TAF4B: variants seen among roughly 807,000 people sequenced by gnomAD.
TAF4B encodes transcription initiation factor TFIID subunit 4B.
Under a neutral mutation model 86.4 loss-of-function variants are expected in TAF4B, and 38 were observed. That is an observed-to-expected ratio of 0.44 (90% CI 0.34 to 0.58). The LOEUF (loss-of-function observed/expected upper bound fraction) is 0.58, where lower values mean the gene tolerates loss of function less well. Among genes scored for constraint, TAF4B ranks in the 20% least tolerant of loss-of-function variants. The pLI is 0.02. For synonymous variants in TAF4B, 388 were observed against 391.2 expected (o/e 0.99, Z 0.10); for missense variants, 988 against 1,027.6 (o/e 0.96, Z 0.53).
intron 13 of TAF4B, among the ~76,000 whole-genome samples, chr18:26,347,135 T>G (rs1485162435): frequency 6.6e-6 from 1 of 151,280 alleles, no homozygotes; most frequent in Non-Finnish European, 1.5e-5. Context: ...TTAGCCAGGA[T>G]GGTCTGGATC....
intron 5 of TAF4B, among the ~76,000 whole-genome samples, chr18:26,278,014 G>C (rs1157674693): frequency 6.6e-6 from 1 of 152,072 alleles, no homozygotes; most frequent in African/African-American, 2.4e-5. Flanking sequence ...TACTGTTAGT[G>C]GTTTAGTTTG....
intron 11 of TAF4B, among the ~76,000 whole-genome samples, chr18:26,325,106 A>G (rs909425694): frequency 6.6e-6 from 1 of 152,202 alleles, no homozygotes; most frequent in Non-Finnish European, 1.5e-5. Flanking sequence ...ATTAGTCATA[A>G]ACTGAGATCT....
intron 13 of TAF4B, among the ~76,000 whole-genome samples, chr18:26,341,581 G>A (rs968701725): frequency 6.6e-6 from 1 of 152,030 alleles, no homozygotes; most frequent in Admixed American, 6.5e-5. Context: ...TTTCAGGAAG[G>A]TAGGGATGGA....
intron 10 of TAF4B, among the ~76,000 whole-genome samples, chr18:26,319,321 A>G (rs931166983): frequency 1.1e-4 from 16 of 151,804 alleles, no homozygotes; most frequent in Non-Finnish European, 2.1e-4. Flanking sequence ...GTGAAACGCC[A>G]TCTCTACTAA....
chr18:26,382,783 C>T (rs1978297506), intron 14 of TAF4B, among the ~76,000 whole-genome samples: 1 of 152,136 alleles, frequency 6.6e-6, no homozygotes, highest in Admixed American at 6.5e-5. Context: ...TTCACAGGTA[C>T]AAAATCTTTT....
intron 14 of TAF4B, among the ~76,000 whole-genome samples, chr18:26,381,917 T>G (rs879266408): frequency 5.9e-5 from 9 of 151,692 alleles, no homozygotes; most frequent in Non-Finnish European, 1.3e-4. Context: ...ATAAAAATGG[T>G]TTTTTTATGT....
At chr18:26,307,767 T>C (rs2056809554) in intron 9 of TAF4B, among the ~76,000 whole-genome samples, 1 of 152,166 alleles carries the variant, frequency 6.6e-6, no homozygotes, top group Non-Finnish European at 1.5e-5. Context: ...TTGTCTAGTG[T>C]ATATTAACTT....
At position 26,286,348 on chromosome 18, in the gene TAF4B, G is replaced by A. The variant is rs775459462; in HGVS notation, c.1439G>A (p.Cys480Tyr). ...TFGETSGAAI[C>Y]LPSVKPVVSS... ...GGAGAAACTTCAGGTGCAGCTATTT[G>A]TCTTCCATCTGTGAAACCTGTTGTT... Residue 480 changes from cysteine (C) to tyrosine (Y), a missense_variant, in exon 7 of 15, where the codon TGT becomes TAT. Physicochemically the swap from Cys to Tyr is radical, Grantham distance 194. Coordinates refer to ENST00000269142, the MANE Select transcript of TAF4B (RefSeq NM_005640.3). 8 of 1,614,218 alleles carry A rather than the reference G, an allele frequency of 5.0e-6. 1 individual carries two copies. In the Admixed American group the frequency reaches 5.0e-5, roughly 10 times the overall value.
chr18:26,313,961 C>T (rs1016230870), intron 9 of TAF4B, among the ~76,000 whole-genome samples: 4 of 152,248 alleles, frequency 2.6e-5, no homozygotes, highest in African/African-American at 7.2e-5. Flanking sequence ...AGCCACTGCT[C>T]CTGGCCTACT....
chr18:26,375,837 GCTCTTACATTTAC>G (rs1304319284), intron 14 of TAF4B, among the ~76,000 whole-genome samples: 4 of 152,078 alleles, frequency 2.6e-5, no homozygotes, highest in Non-Finnish European at 5.9e-5. Context: ...TATAGTTTTA[GCTCTTACATTTAC>G]ATCTTTGATC....
At chr18:26,269,079 C>T (rs2056279909) in intron 3 of TAF4B, among the ~76,000 whole-genome samples, 1 of 152,204 alleles carries the variant, frequency 6.6e-6, no homozygotes, top group Non-Finnish European at 1.5e-5. Flanking sequence ...ACCTCAGCCT[C>T]CCAAAGTCCT....
chr18:26,276,799 A>G (rs2056389497), intron 5 of TAF4B, among the ~76,000 whole-genome samples: 1 of 152,204 alleles, frequency 6.6e-6, no homozygotes, highest in African/African-American at 2.4e-5. Flanking sequence ...GAAATGGAAT[A>G]CTCTAGATGA....
chr18:26,234,322 C>T (rs973772866), intron 1 of TAF4B, among the ~76,000 whole-genome samples: 2 of 152,218 alleles, frequency 1.3e-5, no homozygotes, highest in African/African-American at 4.8e-5. Flanking sequence ...CTGCCACCTC[C>T]TTGGGTTTTT....
chr18:26,293,313 T>A (rs2056618782), intron 8 of TAF4B, 113 bp from the exon 9 acceptor site: 6 of 654,092 alleles, frequency 9.2e-6, no homozygotes, highest in Admixed American at 7.0e-5. Flanking sequence ...CTAGGGCAGC[T>A]TGGAATTTTC....
At chr18:26,274,477 G>T (rs1046005789) in intron 3 of TAF4B, among the ~76,000 whole-genome samples, 186 bp from the exon 4 acceptor site, 1 of 152,106 alleles carries the variant, frequency 6.6e-6, no homozygotes, top group Non-Finnish European at 1.5e-5. Flanking sequence ...AGTAGATGGG[G>T]TGAGAATGAA....
chr18:26,243,399 C>G (rs112487649), intron 1 of TAF4B, among the ~76,000 whole-genome samples: 11,542 of 151,972 alleles, frequency 0.076, 543 homozygotes, highest in Non-Finnish European at 0.1. Context: ...TTGTGCATCA[C>G]GTAGTTCTCG....
intron 1 of TAF4B, among the ~76,000 whole-genome samples, chr18:26,229,070 T>A (rs2055622772): frequency 6.6e-6 from 1 of 152,134 alleles, no homozygotes; most frequent in Admixed American, 6.5e-5. Context: ...ACGGTATGCC[T>A]CATTGAGTGT....
At chr18:26,376,788 A>T (rs912442442) in intron 14 of TAF4B, among the ~76,000 whole-genome samples, 1 of 152,212 alleles carries the variant, frequency 6.6e-6, no homozygotes, top group Non-Finnish European at 1.5e-5. Context: ...TTTCACCAGT[A>T]AGTGTGATGT....
At chr18:26,270,995 G>A (rs755299682) in intron 3 of TAF4B, among the ~76,000 whole-genome samples, 1 of 152,144 alleles carries the variant, frequency 6.6e-6, no homozygotes, top group African/African-American at 2.4e-5. Flanking sequence ...GCTAATTTAG[G>A]TTGATGCATA....
Sources: gnomAD v4.1 joint callset for allele counts (sites outside exome capture counted in the v4.1 genomes callset) on GRCh38, gnomAD v4.1.1 for gene constraint, MANE v1.5 for transcripts, NCBI Gene and HGNC (gene_info 2026-07-23, HGNC 2026-07-21) for gene names.